The following NXPH1 variants were observed in gnomAD, a reference collection of about 807,000 sequenced individuals.
NXPH1 encodes the protein neurexophilin-1.
NXPH1 carries 5 observed loss-of-function variants against 23.7 expected under a neutral mutation model. The ratio of observed to expected loss-of-function variants is 0.21; its 90% CI spans 0.11 to 0.44. The LOEUF (loss-of-function observed/expected upper bound fraction) is 0.44, where lower values mean the gene tolerates loss of function less well. Ranked by LOEUF, NXPH1 falls within the 20% of genes least tolerant of loss-of-function variation. The pLI is 0.99. For synonymous variants in NXPH1, 144 were observed against 122.2 expected (o/e 1.18, Z -1.18); for missense variants, 324 against 321.6 (o/e 1.01, Z -0.06).
At chr7:8,686,467 A>G (rs548781092) in intron 2 of NXPH1, among the ~76,000 whole-genome samples, 9 of 152,280 alleles carry the variant, frequency 5.9e-5, no homozygotes, top group African/African-American at 2.2e-4. Flanking sequence ...ACACTTGGAT[A>G]TGACCTTTGG....
rs1230658581 is a variant in NXPH1 at position 8,751,760 on chromosome 7, C to T, written c.807C>T (p.Pro269=). ...ACCACAGTGACACACCTTACTTTCC[C>T]TCGGGATGAAGGTGAACATGGGGGT... ...YNYHSDTPYF[P]SG Residue 269 remains proline, a synonymous_variant, in exon 3 of 3, where the codon CCC becomes CCT. Transcript: ENST00000405863. The surrounding 1 kb of genome is among the most constrained non-coding windows in gnomAD (Gnocchi z 4.5). 4 of 1,608,350 alleles carry T rather than the reference C, an allele frequency of 2.5e-6. No individual in the cohort carries two copies. Among genetic ancestry groups the T allele is most frequent in the Admixed American group, 1.7e-5 (1 of 59,584 alleles).
intron 2 of NXPH1, among the ~76,000 whole-genome samples, chr7:8,538,758 C>A (rs1276347820): frequency 6.6e-6 from 1 of 151,798 alleles, no homozygotes; most frequent in Non-Finnish European, 1.5e-5. Flanking sequence ...TATATCAATT[C>A]AAATGTTGAC....
chr7:8,457,119 T>G (rs1215525177), intron 2 of NXPH1, among the ~76,000 whole-genome samples: 1 of 152,166 alleles, frequency 6.6e-6, no homozygotes, highest in Non-Finnish European at 1.5e-5. Flanking sequence ...AAAATGGCTT[T>G]TAAGTGGTGT....
chr7:8,466,279 T>C (rs1391372606), intron 2 of NXPH1, among the ~76,000 whole-genome samples: 1 of 152,210 alleles, frequency 6.6e-6, no homozygotes, highest in Admixed American at 6.5e-5. Context: ...CTAATGGAGT[T>C]GATATATTAA....
intron 2 of NXPH1, among the ~76,000 whole-genome samples, chr7:8,680,304 A>G (rs1164482443): frequency 1.3e-5 from 2 of 152,218 alleles, no homozygotes; most frequent in Admixed American, 6.5e-5. Context: ...TTTGTTTCAG[A>G]TGGAAGGAAC....
intron 2 of NXPH1, among the ~76,000 whole-genome samples, chr7:8,722,390 C>G (rs1779982997): frequency 6.6e-6 from 1 of 152,140 alleles, no homozygotes; most frequent in African/African-American, 2.4e-5. Flanking sequence ...TTATCATTTG[C>G]TTGACTGAAA....
intron 2 of NXPH1, among the ~76,000 whole-genome samples, chr7:8,452,107 C>T (rs955513274): frequency 2.6e-5 from 4 of 152,148 alleles, no homozygotes; most frequent in Non-Finnish European, 4.4e-5. Context: ...TTGATTTGGT[C>T]CCAGGCCCGG....
intron 2 of NXPH1, among the ~76,000 whole-genome samples, chr7:8,448,476 A>C (rs117589127): frequency 6.6e-6 from 1 of 152,328 alleles, no homozygotes; most frequent in Admixed American, 6.5e-5. Flanking sequence ...CCAGAAAGCC[A>C]TATGTATTTA....
intron 2 of NXPH1, among the ~76,000 whole-genome samples, chr7:8,582,234 C>T (rs1562411229): frequency 6.6e-6 from 1 of 152,208 alleles, no homozygotes; most frequent in Non-Finnish European, 1.5e-5. Flanking sequence ...AGTGTCATAG[C>T]CCTGGCTCTG....
intron 2 of NXPH1, among the ~76,000 whole-genome samples, chr7:8,707,015 C>A (rs1057279130): frequency 1.3e-5 from 2 of 152,090 alleles, no homozygotes; most frequent in Non-Finnish European, 2.9e-5. Flanking sequence ...ATCCATGTAA[C>A]AAAATTGCAC....
intron 2 of NXPH1, among the ~76,000 whole-genome samples, chr7:8,731,464 T>G (rs945197908): frequency 1.3e-5 from 2 of 152,206 alleles, no homozygotes; most frequent in African/African-American, 4.8e-5. Context: ...TTCCCCATCT[T>G]TGTGATTTTA....
chr7:8,668,947 G>A (rs1057390068), intron 2 of NXPH1, among the ~76,000 whole-genome samples: 5 of 152,032 alleles, frequency 3.3e-5, no homozygotes, highest in African/African-American at 1.2e-4. Flanking sequence ...ATGGGTCCAT[G>A]GGGACTGGCA....
intron 2 of NXPH1, among the ~76,000 whole-genome samples, chr7:8,588,879 T>G (rs1005180176): frequency 1.3e-5 from 2 of 152,178 alleles, no homozygotes; most frequent in Admixed American, 1.3e-4. Context: ...CTTCATTGTT[T>G]ACAATTAAGG....
chr7:8,739,194 A>AC (rs927302168), intron 2 of NXPH1, among the ~76,000 whole-genome samples: 4 of 134,678 alleles, frequency 3.0e-5, no homozygotes, highest in African/African-American at 5.2e-5. Context: ...AAAAAAAAAA[A>AC]AAAAAAAAAA....
At chr7:8,507,978 C>G (rs1372440073) in intron 2 of NXPH1, among the ~76,000 whole-genome samples, 20 of 152,092 alleles carry the variant, frequency 1.3e-4, no homozygotes, top group Non-Finnish European at 8.8e-5. Flanking sequence ...ATCAGGAACA[C>G]CCTTTGAAAA....
intron 2 of NXPH1, among the ~76,000 whole-genome samples, chr7:8,550,607 T>C (rs1818263684): frequency 6.6e-6 from 1 of 151,580 alleles, no homozygotes; most frequent in African/African-American, 2.4e-5. Context: ...AGACATATTA[T>C]ATGCAAAATA....
chr7:8,687,015 A>G (rs1289747448), intron 2 of NXPH1, among the ~76,000 whole-genome samples: 1 of 152,138 alleles, frequency 6.6e-6, no homozygotes, highest in Non-Finnish European at 1.5e-5. Context: ...AAAGTATGTC[A>G]TTGTTCATAT....
chr7:8,683,280 GA>G (rs1457684570), intron 2 of NXPH1, among the ~76,000 whole-genome samples: 1 of 152,152 alleles, frequency 6.6e-6, no homozygotes, highest in African/African-American at 2.4e-5. Context: ...ATTCATCAGG[GA>G]TCCAACTCCA....
intron 2 of NXPH1, among the ~76,000 whole-genome samples, chr7:8,642,367 G>C (rs918697418): frequency 1.1e-4 from 16 of 152,052 alleles, no homozygotes; most frequent in African/African-American, 3.9e-4. Flanking sequence ...TTTGTAGGTG[G>C]CCTCTTTTGT....
Sources: allele counts gnomAD v4.1 joint callset (sites outside exome capture counted in the v4.1 genomes callset), GRCh38; gene constraint gnomAD v4.1.1; non-coding constraint Gnocchi (gnomAD v3.1); transcripts MANE v1.5; gene names NCBI Gene and HGNC (gene_info 2026-07-23, HGNC 2026-07-21).